The following ARHGAP10 variants were observed in gnomAD, a reference collection of about 807,000 sequenced individuals.
ARHGAP10 encodes the protein Rho GTPase activating protein 10.
ARHGAP10 carries 87 observed loss-of-function variants against 108.6 expected under a neutral mutation model. The ratio of observed to expected loss-of-function variants is 0.80; its 90% CI spans 0.67 to 0.96. The LOEUF is 0.96. Among genes scored for constraint, ARHGAP10 ranks in the 40% least tolerant of loss-of-function variants. The pLI is 0.00. For missense variants in ARHGAP10, 939 were observed against 954.5 expected (o/e 0.98, Z 0.21); for synonymous variants, 347 against 341.1 (o/e 1.02, Z -0.19).
At chr4:147,752,773 C>G (rs1212928689) in intron 1 of ARHGAP10, among the ~76,000 whole-genome samples, 1 of 152,124 alleles carries the variant, frequency 6.6e-6, no homozygotes, top group African/African-American at 2.4e-5. Flanking sequence ...GTGATCCTCC[C>G]ACCTTGGCCT....
At chr4:147,945,660 T>A (rs1738348930) in intron 14 of ARHGAP10, among the ~76,000 whole-genome samples, 1 of 152,224 alleles carries the variant, frequency 6.6e-6, no homozygotes, top group Non-Finnish European at 1.5e-5. Context: ...GAGACCAAGT[T>A]TATCATCCTT....
At chr4:147,956,013 G>T (rs758479386) in intron 16 of ARHGAP10, among the ~76,000 whole-genome samples, 4 of 152,042 alleles carry the variant, frequency 2.6e-5, no homozygotes, top group Non-Finnish European at 5.9e-5. Flanking sequence ...TCTTTGACAC[G>T]TGTTGTTTAA....
intron 1 of ARHGAP10, among the ~76,000 whole-genome samples, chr4:147,759,237 C>G (rs889809373): frequency 6.6e-6 from 1 of 152,106 alleles, no homozygotes. Flanking sequence ...CGTATGTTGT[C>G]TCATTGAAGA....
At chr4:147,857,848 T>C in intron 5 of ARHGAP10, 194 bp downstream of exon 5, 1 of 346,150 alleles carries the variant, frequency 2.9e-6, no homozygotes, top group Non-Finnish European at 4.7e-6. Context: ...CTTATAGTGA[T>C]TAATGAGCTA....
intron 4 of ARHGAP10, among the ~76,000 whole-genome samples, chr4:147,848,001 C>T (rs1354931199): frequency 6.6e-6 from 1 of 151,952 alleles, no homozygotes; most frequent in East Asian, 1.9e-4. Context: ...TTTGGCTTGG[C>T]CCAAGGAGAG....
intron 15 of ARHGAP10, among the ~76,000 whole-genome samples, chr4:147,948,907 A>G (rs918889293): frequency 2.0e-5 from 3 of 151,536 alleles, no homozygotes; most frequent in South Asian, 4.2e-4. Flanking sequence ...CGGAGCTTGC[A>G]GTGAGCCAAG....
At chr4:147,874,946 C>T in intron 7 of ARHGAP10, 75 bp from the exon 8 acceptor site, 5 of 1,369,906 alleles carry the variant, frequency 3.6e-6, no homozygotes, top group Non-Finnish European at 4.8e-6. Context: ...TACATTTATG[C>T]AGAGACTTTA....
Position 147,741,776 on chromosome 4 carries a change from ACACACACACACACACG to A in ARHGAP10, c.154+9337_154+9352del, listed in dbSNP as rs1182124489. On this transcript the variant is annotated intron_variant, in intron 1 of 22. Coordinates refer to ENST00000336498, the MANE Select transcript of ARHGAP10 (RefSeq NM_024605.4). ...TTGATATCGTTCTCTTTACACACAC[ACACACACACACACACG>A]CACACACACACACACACACACACAC... is the stretch of plus-strand genomic sequence containing the variant. Among the ~76,000 whole-genome samples, 299 of 36,402 alleles carry A rather than the reference ACACACACACACACACG, an allele frequency of 8.2e-3. 1 individual carries two copies. The highest frequency in any genetic ancestry group is 0.022 in the African/African-American group (286 of 13,218). 23.9% of individuals were successfully genotyped at this position (36,402 alleles called of 152,430 possible). A position where few individuals can be genotyped will look rare whatever the true frequency, so the allele number is the denominator to read the frequency against.
At chr4:147,973,419 G>A (rs1440564548) in intron 18 of ARHGAP10, among the ~76,000 whole-genome samples, 2 of 152,114 alleles carry the variant, frequency 1.3e-5, no homozygotes, top group Admixed American at 6.5e-5. Context: ...CATAGTTGGT[G>A]TATGTATTTA....
At chr4:147,745,786 C>T (rs769378954) in intron 1 of ARHGAP10, among the ~76,000 whole-genome samples, 35 of 103,200 alleles carry the variant, frequency 3.4e-4, no homozygotes, top group Non-Finnish European at 5.0e-4. Flanking sequence ...CCACTGTGCC[C>T]GGCCTTTTTT....
chr4:147,946,543 C>T (rs972983368), intron 14 of ARHGAP10, 74 bp from the exon 15 acceptor site: 1 of 1,282,184 alleles, frequency 7.8e-7, no homozygotes, highest in Non-Finnish European at 1.1e-6. Flanking sequence ...AAAATGGAAG[C>T]TTTGTGAGCT....
chr4:147,858,614 A>C (rs1474451898), intron 5 of ARHGAP10: 2 of 151,964 alleles, frequency 1.3e-5, no homozygotes, highest in African/African-American at 4.8e-5. Context: ...GAGCTTTTAC[A>C]CCTCTTCGTC....
chr4:147,940,486 G>A lies in ARHGAP10; in HGVS notation c.1303+587G>A, dbSNP rs555820099. 8.5e-5 allele frequency among the ~76,000 whole-genome samples: 13 copies of A among 152,238 alleles called. No individual in the cohort carries two copies. The South Asian group carries it at 2.1e-3, about 24-fold the overall frequency. ...CCAGACATTATGTGAATGACAAAGC[G>A]CTTTTACATTACACACTGCTGTCAG... On this transcript the variant is annotated intron_variant, in intron 14 of 22. Transcript: ENST00000336498.
At position 147,961,294 on chromosome 4, in the gene ARHGAP10, T is replaced by C. The variant is rs1034376144; in HGVS notation, c.1451-3730T>C. Among the ~76,000 whole-genome samples the C allele has an allele frequency of 3.9e-5, 6 of 152,344 alleles. No homozygotes were observed. In the East Asian group the frequency reaches 5.8e-4, roughly 15 times the overall value. On this transcript the variant is annotated intron_variant, in intron 16 of 22. Coordinates refer to ENST00000336498, the MANE Select transcript of ARHGAP10 (RefSeq NM_024605.4). Reference sequence around the variant, plus strand: ...GTTGTTAACTTCTGTTTCACCGATATAGGTTTATTCTGTTTTCATAGGTTT... The same window carrying C: ...GTTGTTAACTTCTGTTTCACCGATACAGGTTTATTCTGTTTTCATAGGTTT...
rs1730233138 is a variant in ARHGAP10 at position 148,072,630 on chromosome 4, C to G, written c.*549C>G. On this transcript the variant is annotated 3_prime_UTR_variant, in exon 23 of 23. Coordinates refer to ENST00000336498, the MANE Select transcript of ARHGAP10 (RefSeq NM_024605.4). ...CAAGCCTGCCCTTCCTAGACGGCCA[C>G]CTGCAGGACCCCACACTCACTGCAC... is the stretch of plus-strand genomic sequence containing the variant. The G allele has an allele frequency of 6.6e-6, 1 of 152,244 alleles. No homozygotes were observed. Among genetic ancestry groups the G allele is most frequent in the African/African-American group, 2.4e-5 (1 of 41,394 alleles). The allele number at this position is 152,244 out of a possible 1,614,324, so 9.4% of individuals were successfully genotyped here. A position where few individuals can be genotyped will look rare whatever the true frequency, so the allele number is the denominator to read the frequency against.
intron 1 of ARHGAP10, among the ~76,000 whole-genome samples, chr4:147,800,450 TG>T (rs1261126484): frequency 1.3e-5 from 2 of 152,100 alleles, no homozygotes; most frequent in Non-Finnish European, 2.9e-5. Context: ...CCCTAGTTAT[TG>T]TTGGTGGGGC....
chr4:147,856,518 T>C (rs148895450), intron 4 of ARHGAP10, among the ~76,000 whole-genome samples: 4 of 152,308 alleles, frequency 2.6e-5, no homozygotes, highest in Non-Finnish European at 5.9e-5. Flanking sequence ...GGCCTCTTGC[T>C]CTCTGATGGT....
chr4:147,923,811 A>G (rs1410428653), intron 13 of ARHGAP10, among the ~76,000 whole-genome samples: 2 of 152,254 alleles, frequency 1.3e-5, no homozygotes, highest in Non-Finnish European at 2.9e-5. Context: ...GTAGAAGATT[A>G]CAATGTATAA....
chr4:147,949,852 C>T (rs1005098193), intron 15 of ARHGAP10, among the ~76,000 whole-genome samples: 1 of 151,742 alleles, frequency 6.6e-6, no homozygotes, highest in Non-Finnish European at 1.5e-5. Context: ...CTTTTTTCCT[C>T]CATTCCGTAT....
Sources: allele counts gnomAD v4.1 joint callset (sites outside exome capture counted in the v4.1 genomes callset), GRCh38; gene constraint gnomAD v4.1.1; transcripts MANE v1.5; gene names NCBI Gene and HGNC (gene_info 2026-07-23, HGNC 2026-07-21).